Variants in DOK6 observed in about 807,000 individuals in gnomAD.
The protein encoded by DOK6 is docking protein 6.
Under a neutral mutation model 44.0 loss-of-function variants are expected in DOK6, and 22 were observed. The observed-to-expected ratio is 0.50, with a 90% confidence interval of 0.36 to 0.71. The LOEUF (loss-of-function observed/expected upper bound fraction) is 0.71, where lower values mean the gene tolerates loss of function less well. Ranked by LOEUF, DOK6 falls within the 30% of genes least tolerant of loss-of-function variation. DOK6 has a pLI of 0.00. For synonymous variants in DOK6, 166 were observed against 145.5 expected, an observed-to-expected ratio of 1.14 and a Z score of -1.01; for missense variants, 340 against 416.4, an observed-to-expected ratio of 0.82 and a Z score of 1.60.
At chr18:69,415,287 T>C (rs1978324567) in intron 1 of DOK6, among the ~76,000 whole-genome samples, 1 of 152,132 alleles carries the variant, frequency 6.6e-6, no homozygotes, top group Non-Finnish European at 1.5e-5. Context: ...CCTTCCTGTA[T>C]GGAAAATGGT....
At chr18:69,715,313 GA>G (rs1200561357) in intron 5 of DOK6, among the ~76,000 whole-genome samples, 6 of 152,096 alleles carry the variant, frequency 3.9e-5, no homozygotes, top group Admixed American at 3.9e-4. Flanking sequence ...ACCATAAATG[GA>G]AGCCACATTT....
intron 1 of DOK6, among the ~76,000 whole-genome samples, chr18:69,494,844 A>G (rs1009110951): frequency 2.2e-4 from 34 of 152,136 alleles, no homozygotes; most frequent in Non-Finnish European, 4.1e-4. Flanking sequence ...GCATTTCTGG[A>G]CAGAAACCTC....
intron 3 of DOK6, among the ~76,000 whole-genome samples, chr18:69,674,110 A>G (rs1395214565): frequency 6.6e-6 from 1 of 152,226 alleles, no homozygotes; most frequent in African/African-American, 2.4e-5. Flanking sequence ...GTGATAGAAA[A>G]AAATTAACAT....
At chr18:69,497,411 T>C (rs1980922923) in intron 1 of DOK6, among the ~76,000 whole-genome samples, 1 of 152,104 alleles carries the variant, frequency 6.6e-6, no homozygotes. Flanking sequence ...ACCACCCCAA[T>C]GCCACGTTTC....
At chr18:69,743,651 G>A (rs1978875531) in intron 6 of DOK6, among the ~76,000 whole-genome samples, 1 of 151,748 alleles carries the variant, frequency 6.6e-6, no homozygotes, top group Non-Finnish European at 1.5e-5. Context: ...GAGCAGTTGA[G>A]AAGACAAGAA....
chr18:69,468,925 A>T lies in DOK6; in HGVS notation c.66+67615A>T, dbSNP rs190319249. Among the ~76,000 whole-genome samples the T allele has an allele frequency of 2.0e-5, 3 of 152,360 alleles. No homozygotes were observed. In the East Asian group the frequency reaches 5.8e-4, roughly 29 times the overall value. On this transcript the variant is annotated intron_variant, in intron 1 of 7. Coordinates refer to ENST00000382713, the MANE Select transcript of DOK6 (RefSeq NM_152721.6). ...AAAGCAAAGGAGGAAACTGTGACAC[A>T]CTTCAGAGTAAGCCGCACCCGGATT...
At chr18:69,837,086 C>G (rs1270662963) in intron 7 of DOK6, among the ~76,000 whole-genome samples, 7 of 152,208 alleles carry the variant, frequency 4.6e-5, no homozygotes, top group East Asian at 1.9e-4. Context: ...GTGAAGAAAG[C>G]GATGCTGACC....
intron 7 of DOK6, 46 bp downstream of exon 7, chr18:69,757,919 C>A: frequency 1.3e-6 from 2 of 1,500,492 alleles, no homozygotes; most frequent in Non-Finnish European, 1.9e-6. Context: ...TAAGCTTCCT[C>A]CAGGTGGACT....
intron 5 of DOK6, among the ~76,000 whole-genome samples, chr18:69,699,396 T>C (rs1986461336): frequency 6.6e-6 from 1 of 152,216 alleles, no homozygotes; most frequent in African/African-American, 2.4e-5. Flanking sequence ...CTGCTAAATA[T>C]TTACTCAATG....
chr18:69,749,445 T>C (rs1472254495), intron 6 of DOK6, among the ~76,000 whole-genome samples: 2 of 152,128 alleles, frequency 1.3e-5, no homozygotes, highest in Non-Finnish European at 2.9e-5. Context: ...GGAAACATTA[T>C]ACAGAATCTC....
At chr18:69,559,049 A>T (rs554462863) in intron 1 of DOK6, among the ~76,000 whole-genome samples, 1 of 152,264 alleles carries the variant, frequency 6.6e-6, no homozygotes, top group East Asian at 1.9e-4. Context: ...ATCTTTAAAA[A>T]TCAGTCTTAT....
intron 6 of DOK6, among the ~76,000 whole-genome samples, chr18:69,743,782 T>C (rs548165212): frequency 1.3e-5 from 2 of 149,820 alleles, no homozygotes; most frequent in South Asian, 2.1e-4. Flanking sequence ...AAAACATTTG[T>C]ATACAAACAC....
At chr18:69,562,391 T>C (rs1033717724) in intron 1 of DOK6, among the ~76,000 whole-genome samples, 1 of 152,210 alleles carries the variant, frequency 6.6e-6, no homozygotes, top group African/African-American at 2.4e-5. Flanking sequence ...CATTGGTCTA[T>C]ATCTCTGTTT....
At chr18:69,472,986 C>T (rs1362880814) in intron 1 of DOK6, among the ~76,000 whole-genome samples, 2 of 152,116 alleles carry the variant, frequency 1.3e-5, no homozygotes, top group Non-Finnish European at 2.9e-5. Context: ...CATTAGCTTC[C>T]CTTGTTTCAT....
At position 69,467,212 on chromosome 18, in the gene DOK6, T is replaced by A. The variant is rs779249855; in HGVS notation, c.66+65902T>A. 1.4e-4 allele frequency among the ~76,000 whole-genome samples: 21 copies of A among 152,140 alleles called. 1 individual carries two copies. The highest frequency in any genetic ancestry group is 3.3e-4 in the Admixed American group (5 of 15,266). On this transcript the variant is annotated intron_variant, in intron 1 of 7. Coordinates refer to ENST00000382713, the MANE Select transcript of DOK6 (RefSeq NM_152721.6). ...AATAAGTTATGAAAACACGCCATATTCTATTATAGCTGCCTAAAGAGAAGA... is the reference window on the plus strand; with the variant it reads ...AATAAGTTATGAAAACACGCCATATACTATTATAGCTGCCTAAAGAGAAGA...
At chr18:69,564,437 G>A (rs1236814631) in intron 1 of DOK6, 50 bp from the exon 2 acceptor site, 31 of 1,538,994 alleles carry the variant, frequency 2.0e-5, no homozygotes, top group Middle Eastern at 1.7e-4. Flanking sequence ...TCCTAATGTC[G>A]TAAACTCATG....
intron 5 of DOK6, among the ~76,000 whole-genome samples, chr18:69,707,390 C>T (rs1447247250): frequency 6.6e-6 from 1 of 152,216 alleles, no homozygotes; most frequent in East Asian, 1.9e-4. Flanking sequence ...CAAGTTATCA[C>T]AAGTTCTACT....
intron 2 of DOK6, among the ~76,000 whole-genome samples, chr18:69,582,890 G>C (rs1983403390): frequency 6.6e-6 from 1 of 151,904 alleles, no homozygotes; most frequent in Non-Finnish European, 1.5e-5. Context: ...TGTCCATTTT[G>C]CCAGTTGCTT....
chr18:69,763,288 C>CT (rs1196639760), intron 7 of DOK6, among the ~76,000 whole-genome samples: 2 of 152,122 alleles, frequency 1.3e-5, no homozygotes, highest in African/African-American at 4.8e-5. Context: ...CATTACTTTT[C>CT]TTTTTTGCCA....
Sources: allele counts gnomAD v4.1 joint callset (sites outside exome capture counted in the v4.1 genomes callset), GRCh38; gene constraint gnomAD v4.1.1; transcripts MANE v1.5; gene names NCBI Gene and HGNC (gene_info 2026-07-23, HGNC 2026-07-21).